The following SHKBP1 variants were observed in gnomAD, a reference collection of about 807,000 sequenced individuals.
The protein encoded by SHKBP1 is SH3KBP1 binding protein 1.
SHKBP1 carries 71 observed loss-of-function variants against 83.9 expected under a neutral mutation model. That is an observed-to-expected ratio of 0.85 (90% CI 0.70 to 1.03). The LOEUF is 1.03. SHKBP1 is among the 50% of genes least tolerant of loss of function. The pLI is 0.00. For synonymous variants in SHKBP1, 371 were observed against 398.0 expected (o/e 0.93, Z 0.81); for missense variants, 824 against 982.4 (o/e 0.84, Z 2.16).
In SHKBP1 at chr19:40,591,039, G is replaced by A. The variant is rs376650593; in HGVS notation, c.1956G>A (p.Gln652=). 12 of 1,613,006 alleles carry A rather than the reference G, an allele frequency of 7.4e-6. No individual in the cohort carries two copies. Among genetic ancestry groups the A allele is most frequent in the Non-Finnish European group, 1.0e-5 (12 of 1,179,312 alleles). The change falls in exon 18 of 18, where the codon CAG becomes CAA. Residue 652 remains glutamine (Q), a synonymous_variant. Coordinates refer to ENST00000291842, the MANE Select transcript of SHKBP1 (RefSeq NM_138392.4). ...ACCGTGGGAGCCCAAGCCCCCCGCAGGCTGAGGCCCGGCGCCGTGGTGGGG... is the reference window on the plus strand; with the variant it reads ...ACCGTGGGAGCCCAAGCCCCCCGCAAGCTGAGGCCCGGCGCCGTGGTGGGG... ...SGHRGSPSPP[Q]AEARRRGGGS...
At chr19:40,584,191 T>C (rs1465512865) in intron 12 of SHKBP1, among the ~76,000 whole-genome samples, 1 of 152,162 alleles carries the variant, frequency 6.6e-6, no homozygotes, top group African/African-American at 2.4e-5. Flanking sequence ...AGTATCCCTG[T>C]ATATAAGCAC....
In SHKBP1 at chr19:40,583,406, G is replaced by T. The variant is rs2081285688; in HGVS notation, c.969G>T (p.Glu323Asp). ...NAVTKHWQVQ[E>D]VQPITSYDAA... is the part of the protein sequence containing the mutation. ...TCCTGCCCCACCCCCAGGTCCAGGA[G>T]GTGCAGCCCATCACCAGTTATGACG... The change falls in exon 11 of 18, where the codon GAG becomes GAT. Residue 323 changes from glutamate (E) to aspartate (D), a missense_variant. Glu to Asp is a conservative substitution (Grantham distance 45, BLOSUM62 2). This residue lies in a region of SHKBP1 where 182 missense variants were observed against 273.1 expected (regional missense o/e 0.67). Coordinates refer to ENST00000291842, the MANE Select transcript of SHKBP1 (RefSeq NM_138392.4). 1.9e-6 allele frequency: 3 copies of T among 1,582,986 alleles called. No individual in the cohort carries two copies. The East Asian group carries it at 6.9e-5, about 37-fold the overall frequency.
In SHKBP1 at chr19:40,580,900, T is replaced by C. The variant is rs780461416; in HGVS notation, c.808T>C (p.Trp270Arg). Residue 270 changes from tryptophan to arginine, a missense_variant, in exon 9 of 18, where the codon TGG becomes CGG. Around this residue, in one of 3 missense-constraint regions of SHKBP1, gnomAD observed 355 missense variants for 386.4 expected, o/e 0.92. Coordinates refer to ENST00000291842, the MANE Select transcript of SHKBP1 (RefSeq NM_138392.4). ...AAATGSEILL[W>R]ALQAEGGGSE... ...AGCCACCGGCAGCGAGATCCTGCTATGGGCTCTGCAGGCGGAAGGCGGTGG... is the reference window on the plus strand; with the variant it reads ...AGCCACCGGCAGCGAGATCCTGCTACGGGCTCTGCAGGCGGAAGGCGGTGG... The C allele has an allele frequency of 8.1e-6, 13 of 1,601,650 alleles. No individual in the cohort carries two copies. Among genetic ancestry groups the C allele is most frequent in the Non-Finnish European group, 1.1e-5 (13 of 1,173,054 alleles).
intron 11 of SHKBP1, 56 bp from the exon 12 acceptor site, chr19:40,583,545 G>A (rs1181888305): frequency 3.1e-6 from 5 of 1,610,848 alleles, no homozygotes; most frequent in African/African-American, 1.3e-5. Flanking sequence ...GGGAAGGGAG[G>A]GAGAGAGGCT....
At position 40,588,695 on chromosome 19, in the gene SHKBP1, G is replaced by A. The variant is rs1599847374; in HGVS notation, c.1408G>A (p.Gly470Ser). ...RFRGMISTQP[G>S]STPLASFKIL... ...CCGCGGCATGATTTCCACCCAGCCC[G>A]GCTCCACCCCACTCGCTTCCTTTAA... Residue 470 changes from glycine (G) to serine (S), a missense_variant, in exon 14 of 18, where the codon GGC becomes AGC. Coordinates refer to ENST00000291842, the MANE Select transcript of SHKBP1 (RefSeq NM_138392.4). 2 of 1,614,162 alleles carry A rather than the reference G, an allele frequency of 1.2e-6. No homozygotes were observed. Among genetic ancestry groups the A allele is most frequent in the East Asian group, 2.2e-5 (1 of 44,878 alleles).
intron 6 of SHKBP1, 33 bp from the exon 7 acceptor site, chr19:40,580,291 T>C: frequency 6.3e-7 from 1 of 1,585,964 alleles, no homozygotes; most frequent in Non-Finnish European, 8.6e-7. Context: ...ACGATTACAA[T>C]GACTGTTACT....
At chr19:40,584,430 C>T (rs1004694101) in intron 12 of SHKBP1, among the ~76,000 whole-genome samples, 5 of 152,130 alleles carry the variant, frequency 3.3e-5, no homozygotes, top group East Asian at 1.9e-4. Context: ...ATTTTTGAGA[C>T]GTAATTCTCA....
At chr19:40,588,849 T>G in intron 14 of SHKBP1, 70 bp downstream of exon 14, 5 of 1,568,608 alleles carry the variant, frequency 3.2e-6, no homozygotes, top group Non-Finnish European at 4.3e-6. Flanking sequence ...CTCCGCTGAT[T>G]CCCACTTGCG....
chr19:40,580,652 T>C lies in SHKBP1; in HGVS notation c.649T>C (p.Tyr217His). 3 of 1,614,192 alleles carry C rather than the reference T, an allele frequency of 1.9e-6. No homozygotes were observed. The highest frequency in any genetic ancestry group is 2.5e-6 in the Non-Finnish European group (3 of 1,180,036). The change falls in exon 8 of 18, where the codon TAC becomes CAC. Residue 217 changes from tyrosine to histidine, a missense_variant. Coordinates refer to ENST00000291842, the MANE Select transcript of SHKBP1 (RefSeq NM_138392.4). ...AVAYTQFLVC[Y>H]RLKEASGWQL... ...GGCCTATACCCAGTTTCTAGTCTGC[T>C]ACAGGTGCTTGGGGAGGGAGTGGCA...
chr19:40,590,211 G>T lies in SHKBP1; in HGVS notation c.1590-33G>T. 1 of 1,521,966 alleles carries T rather than the reference G, an allele frequency of 6.6e-7. No individual in the cohort carries two copies. Among genetic ancestry groups the T allele is most frequent in the Non-Finnish European group, 8.8e-7 (1 of 1,133,630 alleles). 94.3% of individuals were successfully genotyped at this position (1,521,966 alleles called of 1,614,324 possible). On this transcript the variant is annotated intron_variant, in intron 15 of 17. Transcript: ENST00000291842. The surrounding 1 kb of genome is among the most constrained non-coding windows in gnomAD (Gnocchi z 4.6). ...CTGGGACGAGGAAGGGTGAGAAAGC[G>T]AGGGTGACCACCTCCCCCACTGCAC...
chr19:40,578,547 G>A lies in SHKBP1; in HGVS notation c.400+5G>A, dbSNP rs148842114. On this transcript the variant is annotated splice_donor_5th_base_variant and intron_variant, in intron 6 of 17. Transcript: ENST00000291842. ...ATGGTTACCTGCCGCCACCAGGTAG[G>A]CACTCCCAATGGAATGGAGGGGCGC... The A allele has an allele frequency of 5.3e-3, 8,470 of 1,609,634 alleles. 44 individuals carry two copies. Among genetic ancestry groups the A allele is most frequent in the Non-Finnish European group, 6.1e-3 (7,146 of 1,177,952 alleles).
In SHKBP1 at chr19:40,582,093, A is replaced by G. The variant is rs118091666; in HGVS notation, c.845-258A>G. 6.7e-3 allele frequency among the ~76,000 whole-genome samples: 1,023 copies of G among 151,992 alleles called. 5 individuals are homozygous for G. Among genetic ancestry groups the G allele is most frequent in the Non-Finnish European group, 9.4e-3 (636 of 67,952 alleles). On this transcript the variant is annotated intron_variant, in intron 9 of 17. Transcript: ENST00000291842. The stretch of plus-strand genomic sequence containing the variant: ...GTGCTACCACACTCAGCTAATTTTT[A>G]TATTTTTTAGTAGAGATGGAGTTTC...
rs375902132 is a variant in SHKBP1 at position 40,583,504 on chromosome 19, C to T, written c.1048+19C>T. 36 of 1,612,758 alleles carry T rather than the reference C, an allele frequency of 2.2e-5. No individual in the cohort carries two copies. The African/African-American group carries it at 3.9e-4, about 17-fold the overall frequency. Reference sequence around the variant, plus strand: ...TACGTGGGTGAGCAGCAGCCTGTGTCCCGGGTGCCCGAGACCCTCCCCTGG... The same window carrying T: ...TACGTGGGTGAGCAGCAGCCTGTGTTCCGGGTGCCCGAGACCCTCCCCTGG... On this transcript the variant is annotated intron_variant, in intron 11 of 17. Coordinates refer to ENST00000291842, the MANE Select transcript of SHKBP1 (RefSeq NM_138392.4).
At position 40,591,387 on chromosome 19, in the gene SHKBP1, C is replaced by T; in HGVS notation, c.*180C>T. The T allele has an allele frequency of 1.9e-6, 1 of 535,552 alleles. No individual in the cohort carries two copies. The highest frequency in any genetic ancestry group is 3.2e-6 in the Non-Finnish European group (1 of 312,630). 33.2% of individuals were successfully genotyped at this position (535,552 alleles called of 1,614,324 possible). ...CAAAGTCACCCTCCCCAATAAAGTC[C>T]TCACTGCCAACATCTTGCTTATTCT... On this transcript the variant is annotated 3_prime_UTR_variant, in exon 18 of 18. Coordinates refer to ENST00000291842, the MANE Select transcript of SHKBP1 (RefSeq NM_138392.4).
In SHKBP1 at chr19:40,583,717, A is replaced by G; in HGVS notation, c.1165A>G (p.Ser389Gly). 1 of 1,612,230 alleles carries G rather than the reference A, an allele frequency of 6.2e-7. No homozygotes were observed. The highest frequency in any genetic ancestry group is 2.2e-5 in the East Asian group (1 of 44,844). Residue 389 changes from serine to glycine, a missense_variant and splice_region_variant, in exon 12 of 18, where the codon AGT becomes GGT. By Grantham distance (56) the Ser-to-Gly change is moderately conservative (BLOSUM62 0). This residue lies in a region of SHKBP1 where 182 missense variants were observed against 273.1 expected (regional missense o/e 0.67). Coordinates refer to ENST00000291842, the MANE Select transcript of SHKBP1 (RefSeq NM_138392.4). The part of the protein sequence containing the change: ...ALSVYLTPKT[S>G]DSGNWIEIAY... The stretch of plus-strand genomic sequence containing the variant: ...CAGTGTCTACCTCACCCCCAAGACC[A>G]GTAAGCTATGACCCGGCTTCCCCTG...
intron 12 of SHKBP1, among the ~76,000 whole-genome samples, 172 bp downstream of exon 12, chr19:40,583,889 G>A (rs1010247888): frequency 1.3e-5 from 2 of 151,990 alleles, no homozygotes; most frequent in African/African-American, 4.8e-5. Flanking sequence ...TGCCCAGGCT[G>A]GAGTGCAGTG....
rs1417384092 is a variant in SHKBP1 at position 40,586,407 on chromosome 19, T to C, written c.1166-367T>C. Among the ~76,000 whole-genome samples the C allele has an allele frequency of 3.4e-5, 5 of 148,886 alleles. No homozygotes were observed. The South Asian group carries it at 8.5e-4, about 25-fold the overall frequency. ...TTTGAGACAGAGTCACATTCTGTCA[T>C]GCAGGCTGGAGTGCAGTGGCGTGGT... is the stretch of plus-strand genomic sequence containing the variant. On this transcript the variant is annotated intron_variant, in intron 12 of 17. Coordinates refer to ENST00000291842, the MANE Select transcript of SHKBP1 (RefSeq NM_138392.4).
Position 40,580,657 on chromosome 19 carries a change from G to A in SHKBP1, c.653+1G>A. On this transcript the variant is annotated splice_donor_variant, in intron 8 of 17. Transcript: ENST00000291842. LOFTEE classifies it high-confidence loss of function. ...ATACCCAGTTTCTAGTCTGCTACAG[G>A]TGCTTGGGGAGGGAGTGGCAGGAGG... 3.7e-6 allele frequency: 6 copies of A among 1,614,166 alleles called. No individual in the cohort carries two copies. The highest frequency in any genetic ancestry group is 4.2e-6 in the Non-Finnish European group (5 of 1,180,034).
chr19:40,585,535 C>CTTTTTTTTT (rs34903711), intron 12 of SHKBP1: 69 of 132,910 alleles, frequency 5.2e-4, no homozygotes, highest in Non-Finnish European at 7.8e-4. Flanking sequence ...TTCTTTCTTT[C>CTTTTTTTTT]TTTTTTTTTT....
Sources: gnomAD v4.1 joint callset for allele counts (sites outside exome capture counted in the v4.1 genomes callset) on GRCh38, gnomAD v4.1.1 for gene constraint, gnomAD v4.1.1 regional missense constraint, Gnocchi (gnomAD v3.1) non-coding constraint, MANE v1.5 for transcripts, NCBI Gene and HGNC (gene_info 2026-07-23, HGNC 2026-07-21) for gene names.